VWA8: variants seen among roughly 807,000 people sequenced by gnomAD.
VWA8 encodes von Willebrand factor A domain containing 8, also known as von Willebrand factor A domain-containing protein 8.
A neutral mutation model predicts 241.5 loss-of-function variants in VWA8; 221 were observed. The observed-to-expected ratio is 0.91, with a 90% CI of 0.82 to 1.02. The LOEUF is 1.02. VWA8 is among the 50% of genes least tolerant of loss of function. VWA8 has a pLI of 0.00. For missense variants in VWA8, 2,322 were observed against 2,328.7 expected, an observed-to-expected ratio of 1.00 and a Z score of 0.06; for synonymous variants, 852 against 827.1, an observed-to-expected ratio of 1.03 and a Z score of -0.52.
At chr13:41,737,198 T>C (rs7991683) in intron 21 of VWA8, among the ~76,000 whole-genome samples, 24,712 of 152,132 alleles carry the variant, frequency 0.16, 2,135 homozygotes, top group Non-Finnish European at 0.2. Flanking sequence ...CAGTAAGACA[T>C]AAGCCTAACA....
At chr13:41,919,136 G>A (rs1321686824) in intron 2 of VWA8, among the ~76,000 whole-genome samples, 2 of 152,192 alleles carry the variant, frequency 1.3e-5, no homozygotes, top group Non-Finnish European at 2.9e-5. Flanking sequence ...AGGAGTAGGA[G>A]AAATCCTGTA....
chr13:41,590,092 G>A (rs545022456), intron 41 of VWA8, among the ~76,000 whole-genome samples: 57 of 152,304 alleles, frequency 3.7e-4, no homozygotes, highest in African/African-American at 1.2e-3. Context: ...CTGGCCTCTT[G>A]GCTGCTGGCT....
intron 10 of VWA8, 70 bp from the exon 11 acceptor site, chr13:41,866,106 G>A (rs1200686170): frequency 1.3e-6 from 2 of 1,571,924 alleles, no homozygotes; most frequent in East Asian, 4.5e-5. Context: ...CCAACACTTT[G>A]GGAGGCCAAG....
At chr13:41,793,675 G>A (rs1171375425) in intron 17 of VWA8, among the ~76,000 whole-genome samples, 2 of 152,106 alleles carry the variant, frequency 1.3e-5, no homozygotes, top group Non-Finnish European at 2.9e-5. Flanking sequence ...AATTAGCTGG[G>A]CCTGGTGGTG....
chr13:41,909,217 C>T (rs1875877392), intron 3 of VWA8, among the ~76,000 whole-genome samples: 2 of 152,092 alleles, frequency 1.3e-5, no homozygotes, highest in Admixed American at 6.5e-5. Flanking sequence ...TGCCACCATG[C>T]CTGGCTAATG....
intron 21 of VWA8, among the ~76,000 whole-genome samples, chr13:41,754,289 T>C (rs181226339): frequency 1.7e-4 from 26 of 152,182 alleles, no homozygotes; most frequent in African/African-American, 6.0e-4. Flanking sequence ...CTGATGGTTT[T>C]AAAAAGGGGA....
At position 41,868,611 on chromosome 13, in the gene VWA8, G is replaced by A. The variant is rs1873426345; in HGVS notation, c.1081-134C>T. The A allele has an allele frequency of 4.4e-6, 5 of 1,148,664 alleles. No individual in the cohort carries two copies. In the South Asian group the frequency reaches 8.5e-5, roughly 19 times the overall value. 71.2% of individuals were successfully genotyped at this position (1,148,664 alleles called of 1,614,324 possible). On this transcript the variant is annotated intron_variant, in intron 9 of 44. Coordinates refer to ENST00000379310, the MANE Select transcript of VWA8 (RefSeq NM_015058.2). ...TATAAAAGTAGAGGTTAGGCCAAGG[G>A]CGGTGGCTCAGGCCTGTTAATCCCA...
intron 35 of VWA8, among the ~76,000 whole-genome samples, chr13:41,677,599 A>G (rs1269933447): frequency 1.3e-5 from 2 of 152,152 alleles, no homozygotes; most frequent in African/African-American, 2.4e-5. Context: ...CACAACTTCT[A>G]TGTGAGTTGG....
intron 2 of VWA8, among the ~76,000 whole-genome samples, chr13:41,922,178 T>C (rs1398365324): frequency 6.6e-6 from 1 of 152,144 alleles, no homozygotes; most frequent in Non-Finnish European, 1.5e-5. Context: ...AAACAAGAAA[T>C]GGGGAAACGA....
intron 12 of VWA8, among the ~76,000 whole-genome samples, chr13:41,851,527 C>T (rs925506591): frequency 1.3e-5 from 2 of 152,136 alleles, no homozygotes; most frequent in East Asian, 1.9e-4. Flanking sequence ...TGGTCTTTCT[C>T]GTGCTGTTCT....
intron 20 of VWA8, among the ~76,000 whole-genome samples, chr13:41,762,316 T>G (rs542398086): frequency 1.3e-5 from 2 of 152,102 alleles, no homozygotes; most frequent in Non-Finnish European, 2.9e-5. Flanking sequence ...AACAGTCCCA[T>G]GAGGTAGGCA....
chr13:41,830,617 G>C lies in VWA8; in HGVS notation c.1612C>G (p.Leu538Val). 7 of 1,613,606 alleles carry C rather than the reference G, an allele frequency of 4.3e-6. No individual in the cohort carries two copies. The highest frequency in any genetic ancestry group is 5.9e-6 in the Non-Finnish European group (7 of 1,179,762). ...QRLIHDRELS[L>V]YDGSRLLRED... Reference sequence around the variant, plus strand: ...CTCAGCAGCCTAGAACCATCATAGAGGCTTAGCTCTCGATCATGGATTAAC... The same window carrying C: ...CTCAGCAGCCTAGAACCATCATAGACGCTTAGCTCTCGATCATGGATTAAC... Residue 538 changes from leucine (L) to valine (V), a missense_variant, in exon 14 of 45, where the codon CTC becomes GTC. By Grantham distance (32) the Leu-to-Val change is conservative. Coordinates refer to ENST00000379310, the MANE Select transcript of VWA8 (RefSeq NM_015058.2).
At chr13:41,642,785 C>A (rs1291180377) in intron 37 of VWA8, among the ~76,000 whole-genome samples, 1 of 151,572 alleles carries the variant, frequency 6.6e-6, no homozygotes, top group Non-Finnish European at 1.5e-5. Context: ...GAAGATTAGC[C>A]AGGCGTGGTG....
At chr13:41,706,792 T>G (rs1052629720) in intron 26 of VWA8, among the ~76,000 whole-genome samples, 1 of 152,214 alleles carries the variant, frequency 6.6e-6, no homozygotes, top group Non-Finnish European at 1.5e-5. Flanking sequence ...TCTGATTTGA[T>G]TAAAACAATA....
intron 12 of VWA8, among the ~76,000 whole-genome samples, chr13:41,860,893 T>A (rs1007371905): frequency 1.3e-5 from 2 of 152,116 alleles, no homozygotes; most frequent in African/African-American, 2.4e-5. Flanking sequence ...ACAGAAACAG[T>A]ACTGTTTGGA....
intron 39 of VWA8, among the ~76,000 whole-genome samples, chr13:41,610,168 G>T (rs2044578226): frequency 1.3e-5 from 2 of 152,142 alleles, no homozygotes; most frequent in African/African-American, 4.8e-5. Flanking sequence ...ATTGCGGAGG[G>T]GAGAATGACA....
chr13:41,751,832 C>T (rs943504129), intron 21 of VWA8, among the ~76,000 whole-genome samples: 9 of 152,166 alleles, frequency 5.9e-5, no homozygotes, highest in South Asian at 2.1e-4. Flanking sequence ...CTATTATATA[C>T]ATAGAATTAA....
In VWA8 at chr13:41,627,820, C is replaced by T. The variant is rs553639017; in HGVS notation, c.4612-12736G>A. Among the ~76,000 whole-genome samples the T allele has an allele frequency of 2.0e-5, 3 of 152,256 alleles. No individual in the cohort carries two copies. The East Asian group carries it at 5.8e-4, about 29-fold the overall frequency. ...TGATCCCCAATAGGTAAAGACTACG[C>T]CCCAGGTCAGCATGAAGCAGTTACA... On this transcript the variant is annotated intron_variant, in intron 37 of 44. Transcript: ENST00000379310.
chr13:41,600,680 G>A lies in VWA8; in HGVS notation c.4986+4488C>T, dbSNP rs565109490. Among the ~76,000 whole-genome samples the A allele has an allele frequency of 3.4e-4, 51 of 152,160 alleles. 1 individual carries two copies. The South Asian group carries it at 0.01, about 31-fold the overall frequency. On this transcript the variant is annotated intron_variant, in intron 40 of 44. Coordinates refer to ENST00000379310, the MANE Select transcript of VWA8 (RefSeq NM_015058.2). ...TCGTGCTTGATATTTTTACATAGGT[G>A]TCCCAATAGTGAGAAAACATACTAT...
Sources: allele counts gnomAD v4.1 joint callset (sites outside exome capture counted in the v4.1 genomes callset), GRCh38; gene constraint gnomAD v4.1.1; transcripts MANE v1.5; gene names NCBI Gene and HGNC (gene_info 2026-07-23, HGNC 2026-07-21).